The following IQGAP2 variants were observed in gnomAD, a reference collection of about 807,000 sequenced individuals.
IQGAP2 encodes ras GTPase-activating-like protein IQGAP2.
Under a neutral mutation model 201.3 loss-of-function variants are expected in IQGAP2, and 173 were observed. The observed-to-expected ratio is 0.86, with a 90% CI of 0.76 to 0.98. IQGAP2 has a LOEUF of 0.98. IQGAP2 is among the 50% of genes least tolerant of loss of function. IQGAP2 has a pLI of 0.00. For synonymous variants in IQGAP2, 675 were observed against 673.9 expected (o/e 1.00, Z -0.03); for missense variants, 1,687 against 1,864.8 (o/e 0.90, Z 1.76).
chr5:76,703,059 A>G (rs1747555938), intron 35 of IQGAP2, among the ~76,000 whole-genome samples: 2 of 121,046 alleles, frequency 1.7e-5, no homozygotes, highest in South Asian at 5.4e-4. Flanking sequence ...TCTGTCGCCC[A>G]GGCTGGAATA....
chr5:76,442,302 A>G (rs1399727502), intron 1 of IQGAP2, among the ~76,000 whole-genome samples: 1 of 152,200 alleles, frequency 6.6e-6, no homozygotes, highest in African/African-American at 2.4e-5. Flanking sequence ...GATTTATTAC[A>G]AGAAGCTTTA....
At chr5:76,473,403 T>C (rs998660460) in intron 2 of IQGAP2, among the ~76,000 whole-genome samples, 11 of 152,234 alleles carry the variant, frequency 7.2e-5, no homozygotes, top group African/African-American at 2.7e-4. Context: ...ATAAGTAGTT[T>C]GTTCTGGGAA....
At chr5:76,459,118 G>T (rs565102738) in intron 1 of IQGAP2, among the ~76,000 whole-genome samples, 2 of 152,300 alleles carry the variant, frequency 1.3e-5, no homozygotes, top group East Asian at 3.9e-4. Flanking sequence ...AGCTTTGTGG[G>T]TGTGTATTTT....
At chr5:76,406,583 C>T (rs550217803) in intron 1 of IQGAP2, among the ~76,000 whole-genome samples, 3 of 152,288 alleles carry the variant, frequency 2.0e-5, no homozygotes, top group Admixed American at 2.0e-4. Context: ...GTGTGATTTG[C>T]GAATAACTTG....
In IQGAP2 at chr5:76,508,713, T is replaced by C. The variant is rs7713381; in HGVS notation, c.146+47044T>C. On this transcript the variant is annotated intron_variant, in intron 2 of 35. Coordinates refer to ENST00000274364, the MANE Select transcript of IQGAP2 (RefSeq NM_006633.5). ...TTGTTTTGTTTTGTTTTTTTTTTTT[T>C]AAAGATCACGTGAGAGGCATACAAA... is the stretch of plus-strand genomic sequence containing the variant. 4.8e-4 allele frequency among the ~76,000 whole-genome samples: 72 copies of C among 151,448 alleles called. 1 individual carries two copies. In the South Asian group the frequency reaches 0.013, roughly 28 times the overall value.
At chr5:76,621,948 G>T (rs1432409366) in intron 13 of IQGAP2, among the ~76,000 whole-genome samples, 6 of 152,128 alleles carry the variant, frequency 3.9e-5, no homozygotes, top group African/African-American at 1.4e-4. Context: ...CATAGTTTCT[G>T]TTTCTAGTTG....
intron 12 of IQGAP2, chr5:76,609,328 C>T: frequency 8.8e-7 from 1 of 1,134,842 alleles, no homozygotes; most frequent in South Asian, 1.4e-5. Flanking sequence ...AACGACAGTA[C>T]CTTGTATATA....
At chr5:76,702,721 A>ACCAGTGCCAGCC in intron 35 of IQGAP2, 131 bp downstream of exon 35, 13 of 583,670 alleles carry the variant, frequency 2.2e-5, no homozygotes, top group South Asian at 4.5e-5. Context: ...ATTTGCCAAT[A>ACCAGTGCCAGCC]TTTGTTAAGT....
Position 76,671,893 on chromosome 5 carries a change from T to C in IQGAP2, c.2978T>C (p.Ile993Thr). The C allele has an allele frequency of 6.2e-7, 1 of 1,614,004 alleles. No homozygotes were observed. Among genetic ancestry groups the C allele is most frequent in the Non-Finnish European group, 8.5e-7 (1 of 1,179,976 alleles). The change falls in exon 24 of 36, where the codon ATC becomes ACC. Residue 993 changes from isoleucine to threonine, a missense_variant. Coordinates refer to ENST00000274364, the MANE Select transcript of IQGAP2 (RefSeq NM_006633.5). Reference protein sequence around the residue: ...QLLAPVVKEIIDDKSLIINTN... With the variant: ...QLLAPVVKEITDDKSLIINTN... ...CTGGCTCCAGTGGTAAAAGAGATCA[T>C]CGACGACAAGTCGCTGATTATCAAC...
chr5:76,422,115 C>A (rs1751762691), intron 1 of IQGAP2, among the ~76,000 whole-genome samples: 1 of 152,170 alleles, frequency 6.6e-6, no homozygotes, highest in Non-Finnish European at 1.5e-5. Context: ...AGTTATTACT[C>A]TTTTACAGGA....
chr5:76,422,716 A>C (rs2150082473), intron 1 of IQGAP2, among the ~76,000 whole-genome samples: 1 of 152,334 alleles, frequency 6.6e-6, no homozygotes, highest in South Asian at 2.1e-4. Context: ...AGAAGAGGAC[A>C]GGTCTATGAG....
intron 16 of IQGAP2, among the ~76,000 whole-genome samples, chr5:76,637,405 T>C (rs1214914055): frequency 6.6e-6 from 1 of 152,198 alleles, no homozygotes; most frequent in Non-Finnish European, 1.5e-5. Context: ...GGAAGAAATA[T>C]TTCACTATTT....
At chr5:76,651,908 G>A (rs1003189346) in intron 17 of IQGAP2, among the ~76,000 whole-genome samples, 7 of 151,636 alleles carry the variant, frequency 4.6e-5, no homozygotes, top group African/African-American at 1.7e-4. Context: ...AAAAGAATGA[G>A]GTAAATATAT....
intron 2 of IQGAP2, among the ~76,000 whole-genome samples, chr5:76,521,853 A>T (rs1262517438): frequency 1.3e-5 from 2 of 152,180 alleles, no homozygotes; most frequent in African/African-American, 4.8e-5. Flanking sequence ...TACATTTTGA[A>T]TAAGTTCCAG....
chr5:76,691,157 T>C (rs947004638), intron 30 of IQGAP2, among the ~76,000 whole-genome samples: 2 of 152,186 alleles, frequency 1.3e-5, no homozygotes, highest in Non-Finnish European at 2.9e-5. Context: ...TTCCCTGTCA[T>C]GGGACTGGAT....
intron 15 of IQGAP2, among the ~76,000 whole-genome samples, chr5:76,633,896 T>G (rs1750907626): frequency 6.6e-6 from 1 of 152,174 alleles, no homozygotes; most frequent in Non-Finnish European, 1.5e-5. Flanking sequence ...ATTGTATGAA[T>G]ATGCCACATT....
chr5:76,486,798 A>C (rs10942783), intron 2 of IQGAP2, among the ~76,000 whole-genome samples: 129,714 of 152,160 alleles, frequency 0.85, 55,744 homozygotes, highest in Middle Eastern at 0.95. Context: ...GTTTTGTTTG[A>C]CACTGTAGCC....
chr5:76,475,541 CA>C (rs2150139201), intron 2 of IQGAP2, among the ~76,000 whole-genome samples: 1 of 152,292 alleles, frequency 6.6e-6, no homozygotes, highest in African/African-American at 2.4e-5. Context: ...CGAGACCCAC[CA>C]GGGGAAAGAA....
At chr5:76,551,660 C>CCAGCT (rs1743539584) in intron 2 of IQGAP2, among the ~76,000 whole-genome samples, 2 of 151,920 alleles carry the variant, frequency 1.3e-5, no homozygotes, top group Non-Finnish European at 2.9e-5. Context: ...GGAGACCAGC[C>CCAGCT]CAGCCAACAC....
Sources: gnomAD v4.1 joint callset for allele counts (sites outside exome capture counted in the v4.1 genomes callset) on GRCh38, gnomAD v4.1.1 for gene constraint, MANE v1.5 for transcripts, NCBI Gene and HGNC (gene_info 2026-07-23, HGNC 2026-07-21) for gene names.